The following RESF1 variants were observed in gnomAD, a reference collection of about 807,000 sequenced individuals.
RESF1 encodes retroelement silencing factor 1, also known as gonad expressed transcript.
RESF1 carries 65 observed loss-of-function variants against 134.7 expected under a neutral mutation model. That is an observed-to-expected ratio of 0.48 (90% CI 0.40 to 0.59). RESF1 has a LOEUF of 0.59. RESF1 is among the 20% of genes least tolerant of loss of function. The pLI, the probability that RESF1 is intolerant of heterozygous loss-of-function variation, is 0.00. For missense variants in RESF1, 2,274 were observed against 2,002.7 expected, an observed-to-expected ratio of 1.14 and a Z score of -2.59; for synonymous variants, 762 against 702.2, an observed-to-expected ratio of 1.09 and a Z score of -1.35.
At chr12:31,978,039 AAGCAGTC>A (rs1939677738) in intron 3 of RESF1, among the ~76,000 whole-genome samples, 1 of 151,724 alleles carries the variant, frequency 6.6e-6, no homozygotes, top group South Asian at 2.1e-4. Flanking sequence ...TTCTGACCTC[AAGCAGTC>A]GCCCAGCTCA....
At chr12:31,967,935 C>T (rs901097106) in intron 2 of RESF1, among the ~76,000 whole-genome samples, 1 of 152,108 alleles carries the variant, frequency 6.6e-6, no homozygotes, top group Non-Finnish European at 1.5e-5. Context: ...TCTAGAAAGC[C>T]TATTTAAGGA....
At chr12:31,960,210 G>A (rs959226050) in intron 1 of RESF1, among the ~76,000 whole-genome samples, 3 of 152,180 alleles carry the variant, frequency 2.0e-5, no homozygotes, top group Non-Finnish European at 4.4e-5. Context: ...AGGGTCCTGA[G>A]TTCAGCAGCA....
chr12:31,984,387 T>A lies in RESF1; in HGVS notation c.3432T>A (p.Val1144=), dbSNP rs1939901472. The change falls in exon 4 of 6, where the codon GTT becomes GTA. Residue 1144 remains valine, a synonymous_variant. Transcript: ENST00000312561. ...AAGAAGAGCCCATCACAGAAGTAGT[T>A]AGCCAGTGTGACCTGCAGGCACCTG... ...PQKEEPITEV[V]SQCDLQAPAA... 2 of 1,614,138 alleles carry A rather than the reference T, an allele frequency of 1.2e-6. No individual in the cohort carries two copies. Among genetic ancestry groups the A allele is most frequent in the Non-Finnish European group, 1.7e-6 (2 of 1,180,016 alleles).
At chr12:31,992,289 C>CA (rs1206837777) in intron 5 of RESF1, 89 bp from the exon 6 acceptor site, 1 of 1,157,682 alleles carries the variant, frequency 8.6e-7, no homozygotes, top group African/African-American at 1.6e-5. Flanking sequence ...TTTATCCCTC[C>CA]AATATATATT....
intron 2 of RESF1, among the ~76,000 whole-genome samples, chr12:31,963,248 AG>A (rs1331233446): frequency 1.3e-5 from 2 of 151,824 alleles, no homozygotes; most frequent in Non-Finnish European, 2.9e-5. Context: ...CAGGAGGCTG[AG>A]ATAGGAGAAT....
intron 3 of RESF1, among the ~76,000 whole-genome samples, chr12:31,978,653 C>T (rs1017291969): frequency 3.7e-4 from 56 of 151,216 alleles, no homozygotes; most frequent in African/African-American, 1.3e-3. Flanking sequence ...TCAAGTGATT[C>T]TCCTGCCTCA....
Position 31,980,981 on chromosome 12 carries a change from G to T in RESF1, c.26G>T (p.Ser9Ile). 6.2e-7 allele frequency: 1 copy of T among 1,609,856 alleles called. No individual in the cohort carries two copies. The highest frequency in any genetic ancestry group is 8.5e-7 in the Non-Finnish European group (1 of 1,177,990). The change falls in exon 4 of 6, where the codon AGT (serine) becomes ATT (isoleucine). Residue 9 changes from serine to isoleucine, a missense_variant. Physicochemically the swap from Ser to Ile is moderately radical, Grantham distance 142. Coordinates refer to ENST00000312561, the MANE Select transcript of RESF1 (RefSeq NM_018169.4). MNWNEKPK[S>I]ATLPPLYPKS... ...ATGAATTGGAATGAAAAACCAAAGA[G>T]TGCTACATTACCACCACTGTATCCT...
At chr12:31,975,866 GT>G (rs1376459243) in intron 3 of RESF1, among the ~76,000 whole-genome samples, 3 of 152,062 alleles carry the variant, frequency 2.0e-5, no homozygotes, top group Non-Finnish European at 4.4e-5. Flanking sequence ...TTTGTTTCCA[GT>G]TTTTGCTTAC....
In RESF1 at chr12:31,983,659, G is replaced by A. The variant is rs930992122; in HGVS notation, c.2704G>A (p.Asp902Asn). The A allele has an allele frequency of 6.2e-7, 1 of 1,614,010 alleles. No homozygotes were observed. Among genetic ancestry groups the A allele is most frequent in the Non-Finnish European group, 8.5e-7 (1 of 1,179,984 alleles). The change falls in exon 4 of 6, where the codon GAT (aspartate) becomes AAT (asparagine). Residue 902 changes from aspartate (D) to asparagine (N), a missense_variant. Physicochemically the swap from Asp to Asn is conservative, Grantham distance 23. Coordinates refer to ENST00000312561, the MANE Select transcript of RESF1 (RefSeq NM_018169.4). ...CAATATTTGTTCTCTGGTTGAAGGT[G>A]ATACCTCTTACAATTCCCAAATAGC... ...IDNICSLVEG[D>N]TSYNSQIAKI...
chr12:31,990,274 A>G (rs890191140), intron 5 of RESF1, among the ~76,000 whole-genome samples: 1 of 152,164 alleles, frequency 6.6e-6, no homozygotes, highest in Non-Finnish European at 1.5e-5. Context: ...CAGAATCATG[A>G]TGAAAGAAAA....
At chr12:31,967,883 T>G (rs1939434332) in intron 2 of RESF1, among the ~76,000 whole-genome samples, 1 of 152,176 alleles carries the variant, frequency 6.6e-6, no homozygotes, top group East Asian at 1.9e-4. Flanking sequence ...AGTCATACCA[T>G]TGTATTGTGG....
chr12:31,981,641 C>G lies in RESF1; in HGVS notation c.686C>G (p.Ser229Cys). 1.2e-6 allele frequency: 2 copies of G among 1,614,036 alleles called. No homozygotes were observed. Among genetic ancestry groups the G allele is most frequent in the Non-Finnish European group, 1.7e-6 (2 of 1,179,996 alleles). ...RYSPQSFLPD[S>C]TIQKQNFIPH... ...TCACCACAAAGCTTTTTACCAGATT[C>G]TACCATTCAAAAACAAAACTTTATA... Residue 229 changes from serine (S) to cysteine (C), a missense_variant, in exon 4 of 6, where the codon TCT becomes TGT. Ser to Cys is a moderately radical substitution (Grantham distance 112). Transcript: ENST00000312561.
rs200124166 is a variant in RESF1, at chr12:31,985,262, G to C, written c.4307G>C (p.Ser1436Thr). The C allele has an allele frequency of 4.9e-5, 79 of 1,610,988 alleles. No homozygotes were observed. The highest frequency in any genetic ancestry group is 3.3e-4 in the Middle Eastern group (2 of 6,070). The change falls in exon 4 of 6, where the codon AGT becomes ACT. Residue 1436 changes from serine (S) to threonine (T), a missense_variant. Coordinates refer to ENST00000312561, the MANE Select transcript of RESF1 (RefSeq NM_018169.4). The stretch of plus-strand genomic sequence containing the variant: ...ACTAAGTCTGTAGACACGAAAGCGA[G>C]TTCATCTAAATTTAGTAGAATTCTA... ...SNTKSVDTKASSSKFSRILTP... is the reference protein window; with the variant it reads ...SNTKSVDTKATSSKFSRILTP...
Position 31,981,390 on chromosome 12 carries a change from CG to C in RESF1, c.436del (p.Val146TyrfsTer11), listed in dbSNP as rs1565843626. On this transcript the variant is annotated frameshift_variant, in exon 4 of 6. Coordinates refer to ENST00000312561, the MANE Select transcript of RESF1 (RefSeq NM_018169.4). LOFTEE classifies it high-confidence loss of function. ...CTCATCAAACTGATTTTGGAGCTAA[CG>C]TACCCAATATGCCGGCACTACAGAG... ...VSHQTDFGAN[V>X]PNMPALQSQL... is the part of the protein sequence containing the mutation. 6.2e-7 allele frequency: 1 copy of C among 1,613,950 alleles called. No individual in the cohort carries two copies. The highest frequency in any genetic ancestry group is 8.5e-7 in the Non-Finnish European group (1 of 1,180,006).
chr12:31,987,954 C>G (rs1940011132), intron 5 of RESF1, among the ~76,000 whole-genome samples: 1 of 152,058 alleles, frequency 6.6e-6, no homozygotes, highest in African/African-American at 2.4e-5. Context: ...AGGCCGGTCC[C>G]AAACTCCTGA....
intron 5 of RESF1, among the ~76,000 whole-genome samples, chr12:31,991,117 T>C (rs1165039137): frequency 2.0e-5 from 3 of 151,280 alleles, no homozygotes; most frequent in African/African-American, 7.3e-5. Flanking sequence ...GAGGATCACC[T>C]GAGCCCAGGA....
In RESF1 at chr12:31,983,845, G is replaced by C. The variant is rs778464947; in HGVS notation, c.2890G>C (p.Asp964His). 2.5e-6 allele frequency: 4 copies of C among 1,613,362 alleles called. No homozygotes were observed. The Admixed American group carries it at 6.7e-5, about 27-fold the overall frequency. ...FQKDKPVQCT[D>H]VSHKICDQSK... ...AAAAGATAAACCTGTACAGTGCACAGATGTTTCACATAAAATATGTGATCA... is the reference window on the plus strand; with the variant it reads ...AAAAGATAAACCTGTACAGTGCACACATGTTTCACATAAAATATGTGATCA... The change falls in exon 4 of 6, where the codon GAT (aspartate) becomes CAT (histidine). Residue 964 changes from aspartate to histidine, a missense_variant. Coordinates refer to ENST00000312561, the MANE Select transcript of RESF1 (RefSeq NM_018169.4).
At chr12:31,977,861 A>G (rs1198117490) in intron 3 of RESF1, among the ~76,000 whole-genome samples, 4 of 147,248 alleles carry the variant, frequency 2.7e-5, no homozygotes, top group Non-Finnish European at 4.5e-5. Context: ...CTGGAGTGCA[A>G]ATGGTGCAAT....
chr12:31,974,506 T>C (rs1156513276), intron 3 of RESF1, among the ~76,000 whole-genome samples: 1 of 152,100 alleles, frequency 6.6e-6, no homozygotes, highest in Non-Finnish European at 1.5e-5. Flanking sequence ...GTGACTGTCT[T>C]CTTGCTGTGT....
Sources: allele counts gnomAD v4.1 joint callset (sites outside exome capture counted in the v4.1 genomes callset), GRCh38; gene constraint gnomAD v4.1.1; transcripts MANE v1.5; gene names NCBI Gene and HGNC (gene_info 2026-07-23, HGNC 2026-07-21).